Variants in NKIRAS1 observed in about 807,000 individuals in gnomAD.
NKIRAS1 encodes NF-kappa-B inhibitor-interacting Ras-like protein 1.
In NKIRAS1, 16 loss-of-function variants were observed where a neutral mutation model predicts 19.8. The observed-to-expected ratio is 0.81, with a 90% CI of 0.55 to 1.23. NKIRAS1 has a LOEUF of 1.23. NKIRAS1 is among the 50% of genes most tolerant of loss of function. The pLI, the probability that NKIRAS1 is intolerant of heterozygous loss-of-function variation, is 0.00. For synonymous variants in NKIRAS1, 88 were observed against 79.0 expected (o/e 1.11, Z -0.61); for missense variants, 184 against 220.0 (o/e 0.84, Z 1.04).
In NKIRAS1 at chr3:23,890,548, C is replaced by A. The variant is rs986713636; in HGVS notation, c.*2547G>T. On this transcript the variant is annotated 3_prime_UTR_variant, in exon 5 of 5. Transcript: ENST00000425478. Reference sequence around the variant, plus strand: ...GGAAGTATTGCCACTCAGTATATGACCAACAGAGCAGAACATGACAGAATG... The same window carrying A: ...GGAAGTATTGCCACTCAGTATATGAACAACAGAGCAGAACATGACAGAATG... 4 of 1,613,672 alleles carry A rather than the reference C, an allele frequency of 2.5e-6. No individual in the cohort carries two copies. The highest frequency in any genetic ancestry group is 1.7e-4 in the Middle Eastern group (1 of 6,060).
intron 3 of NKIRAS1, among the ~76,000 whole-genome samples, chr3:23,908,846 C>CTT (rs112291188): frequency 7.0e-6 from 1 of 141,914 alleles, no homozygotes; most frequent in Non-Finnish European, 1.5e-5. Flanking sequence ...TTCTTTCTTT[C>CTT]TTTTTTTTTT....
chr3:23,945,950 C>T (rs1335988995), intron 1 of NKIRAS1, among the ~76,000 whole-genome samples: 21 of 151,220 alleles, frequency 1.4e-4, no homozygotes, highest in African/African-American at 4.4e-4. Flanking sequence ...GCTGAGGCGG[C>T]GGCGGCGGGC....
Position 23,915,918 on chromosome 3 carries a change from C to T in NKIRAS1, c.-140+866G>A, listed in dbSNP as rs546468965. ...TCACTTCCCTCCCCTTATCTTTTTT[C>T]CTTAGCATTTACCACCAAACCCAAA... On this transcript the variant is annotated intron_variant, in intron 1 of 4. Transcript: ENST00000425478. 4 of 152,290 alleles carry T rather than the reference C, an allele frequency of 2.6e-5. No homozygotes were observed. In the South Asian group the frequency reaches 8.3e-4, roughly 32 times the overall value. The allele number at this position is 152,290 out of a possible 1,614,324, so 9.4% of individuals were successfully genotyped here.
chr3:23,896,441 C>A (rs1298996153), intron 4 of NKIRAS1, among the ~76,000 whole-genome samples: 1 of 151,800 alleles, frequency 6.6e-6, no homozygotes, highest in Non-Finnish European at 1.5e-5. Context: ...ATGGTGAAAC[C>A]CTGTCGTCTA....
chr3:23,904,121 T>C (rs1702785800), intron 3 of NKIRAS1, among the ~76,000 whole-genome samples: 1 of 152,012 alleles, frequency 6.6e-6, no homozygotes, highest in Admixed American at 6.6e-5. Flanking sequence ...GCTGAGATCG[T>C]GCCACTGCAC....
chr3:23,925,993 T>C (rs1365353195), intron 1 of NKIRAS1, among the ~76,000 whole-genome samples: 6 of 152,212 alleles, frequency 3.9e-5, no homozygotes, highest in Admixed American at 2.6e-4. Flanking sequence ...ACAGAAAATA[T>C]TTTGACCATC....
chr3:23,920,018 T>C, upstream of NKIRAS1: 1 of 986,636 alleles, frequency 1.0e-6, no homozygotes, highest in Non-Finnish European at 1.2e-6. Flanking sequence ...AAGCTCCTGG[T>C]TCAGTGCCAT....
upstream of NKIRAS1, chr3:23,921,891 T>TA (rs1705100182): frequency 2.3e-6 from 1 of 442,780 alleles, no homozygotes; most frequent in Admixed American, 4.1e-5. Flanking sequence ...TTATTTTTTG[T>TA]ACAGACAGGA....
intron 3 of NKIRAS1, among the ~76,000 whole-genome samples, chr3:23,909,709 A>G (rs892175104): frequency 6.6e-6 from 1 of 152,224 alleles, no homozygotes; most frequent in South Asian, 2.1e-4. Flanking sequence ...CACGTATCAT[A>G]TACCAATTAA....
upstream of NKIRAS1, chr3:23,917,823 T>C: frequency 3.8e-6 from 6 of 1,587,194 alleles, no homozygotes; most frequent in Non-Finnish European, 5.1e-6. Flanking sequence ...AAGCGGATGA[T>C]ATTTAATACA....
Position 23,909,708 on chromosome 3 carries a change from T to C in NKIRAS1, c.94+1103A>G, listed in dbSNP as rs377471464. Among the ~76,000 whole-genome samples, 102 of 152,316 alleles carry C rather than the reference T, an allele frequency of 6.7e-4. No individual in the cohort carries two copies. In the East Asian group the frequency reaches 0.016, roughly 24 times the overall value. ...ACCCAAGGCCTGATTACACGTATCATATACCAATTAATAAATAATTATTTG... is the reference window on the plus strand; with the variant it reads ...ACCCAAGGCCTGATTACACGTATCACATACCAATTAATAAATAATTATTTG... On this transcript the variant is annotated intron_variant, in intron 3 of 4. Coordinates refer to ENST00000425478, the MANE Select transcript of NKIRAS1 (RefSeq NM_020345.4).
chr3:23,928,009 G>T (rs2125264778), intron 1 of NKIRAS1, among the ~76,000 whole-genome samples: 1 of 152,098 alleles, frequency 6.6e-6, no homozygotes. Flanking sequence ...AGCCTGGGAA[G>T]TCGAAGCTAC....
intron 1 of NKIRAS1, among the ~76,000 whole-genome samples, chr3:23,928,125 CACAT>C (rs1271253151): frequency 7.4e-5 from 11 of 148,356 alleles, no homozygotes; most frequent in African/African-American, 1.3e-4. Flanking sequence ...CACACACACA[CACAT>C]ACACACACAC....
intron 4 of NKIRAS1, among the ~76,000 whole-genome samples, chr3:23,899,332 ATCTC>A (rs751071611): frequency 2.6e-5 from 4 of 152,126 alleles, no homozygotes; most frequent in Non-Finnish European, 4.4e-5. Flanking sequence ...TGGGTAAGGG[ATCTC>A]TCTCTGTTAC....
chr3:23,923,516 G>T (rs1183302995), intron 1 of NKIRAS1: 1 of 152,154 alleles, frequency 6.6e-6, no homozygotes, highest in African/African-American at 2.4e-5. Flanking sequence ...ACCGTGCCCG[G>T]CTGGAACTTC....
intron 1 of NKIRAS1, among the ~76,000 whole-genome samples, chr3:23,929,964 T>G (rs1328047797): frequency 6.6e-6 from 1 of 152,134 alleles, no homozygotes; most frequent in African/African-American, 2.4e-5. Flanking sequence ...GAATTTCTAG[T>G]TTTCATAATG....
rs1210675005 is a variant in NKIRAS1 at position 23,900,979 on chromosome 3, T to C, written c.165A>G (p.Glu55=). The part of the protein sequence containing the change: ...ASVETDRGVK[E]QLHLYDTRGL... ...CTCTGGTGTCATAAAGATGTAACTG[T>C]TCTTTTACTCCTCGGTCTGTTTCTA... Residue 55 remains glutamate, a synonymous_variant, in exon 4 of 5, where the codon GAA becomes GAG. Coordinates refer to ENST00000425478, the MANE Select transcript of NKIRAS1 (RefSeq NM_020345.4). 6.2e-7 allele frequency: 1 copy of C among 1,614,128 alleles called. No homozygotes were observed.
At chr3:23,938,372 A>G (rs1269947716) in intron 1 of NKIRAS1, among the ~76,000 whole-genome samples, 3 of 151,872 alleles carry the variant, frequency 2.0e-5, no homozygotes, top group African/African-American at 7.3e-5. Context: ...ACCACACCCA[A>G]CAAATTTTTA....
chr3:23,916,133 TATG>T (rs1035254641), intron 1 of NKIRAS1: 3 of 152,082 alleles, frequency 2.0e-5, no homozygotes, highest in Non-Finnish European at 2.9e-5. Context: ...GAAAGAAAAA[TATG>T]ATGTGGGAAA....
Sources: gnomAD v4.1 joint callset for allele counts (sites outside exome capture counted in the v4.1 genomes callset) on GRCh38, gnomAD v4.1.1 for gene constraint, MANE v1.5 for transcripts, NCBI Gene and HGNC (gene_info 2026-07-23, HGNC 2026-07-21) for gene names.